The following PPP1CB variants were observed in gnomAD, a reference collection of about 807,000 sequenced individuals.
The protein encoded by PPP1CB is serine/threonine-protein phosphatase PP1-beta catalytic subunit.
A neutral mutation model predicts 43.7 loss-of-function variants in PPP1CB; 2 were observed. That is an observed-to-expected ratio of 0.05 (90% CI 0.02 to 0.14). The LOEUF is 0.14. PPP1CB is among the 10% of genes least tolerant of loss of function. The pLI is 1.00. For missense variants in PPP1CB, 84 were observed against 398.0 expected (o/e 0.21, Z 6.71); for synonymous variants, 136 against 135.6 (o/e 1.00, Z -0.02).
At chr2:28,766,034 G>A (rs1307865463) in intron 1 of PPP1CB, among the ~76,000 whole-genome samples, 2 of 152,110 alleles carry the variant, frequency 1.3e-5, no homozygotes, top group Non-Finnish European at 2.9e-5. Context: ...GAATTTATTA[G>A]AAAACATTTA....
intron 1 of PPP1CB, among the ~76,000 whole-genome samples, chr2:28,764,697 G>A (rs1224238925): frequency 6.6e-6 from 1 of 151,898 alleles, no homozygotes; most frequent in East Asian, 1.9e-4. Flanking sequence ...AGGCCAAGGC[G>A]AGTGGATCAC....
At chr2:28,770,422 C>T (rs1442925197) in intron 1 of PPP1CB, among the ~76,000 whole-genome samples, 2 of 148,988 alleles carry the variant, frequency 1.3e-5, no homozygotes, top group African/African-American at 2.5e-5. Flanking sequence ...ATATCATGCA[C>T]ACATTAATCA....
chr2:28,777,114 A>G (rs767963947), intron 2 of PPP1CB, 132 bp downstream of exon 2: 301 of 939,302 alleles, frequency 3.2e-4, no homozygotes, highest in South Asian at 3.8e-4. Context: ...ATAAAAGTGT[A>G]TAAAAATTGA....
Position 28,752,058 on chromosome 2 carries a change from C to G in PPP1CB, c.-67C>G. The G allele has an allele frequency of 6.8e-7, 1 of 1,479,438 alleles. No individual in the cohort carries two copies. Among genetic ancestry groups the G allele is most frequent in the Non-Finnish European group, 9.2e-7 (1 of 1,082,374 alleles). 91.6% of individuals were successfully genotyped at this position (1,479,438 alleles called of 1,614,324 possible). A position where few individuals can be genotyped will look rare whatever the true frequency, so the allele number is the denominator to read the frequency against. ...TGTAGGTGAGAGAACGCCGAGCCGT[C>G]GCCGCAGCCTCCGCCGCCGAGAAGC... On this transcript the variant is annotated 5_prime_UTR_variant, in exon 1 of 8. Transcript: ENST00000395366.
chr2:28,783,758 A>AAC, intron 4 of PPP1CB, 149 bp from the exon 5 acceptor site: 1 of 198,148 alleles, frequency 5.0e-6, no homozygotes, highest in East Asian at 1.0e-4. Context: ...TTCTGTCTCG[A>AAC]AAAAAAAAAA....
Position 28,784,167 on chromosome 2 carries a change from G to A in PPP1CB, c.592+189G>A, listed in dbSNP as rs560268256. Among the ~76,000 whole-genome samples the A allele has an allele frequency of 6.6e-4, 100 of 152,248 alleles. No individual in the cohort carries two copies. The South Asian group carries it at 0.013, about 20-fold the overall frequency. ...TTCACTTTGCACTGATCCTCAAAAT[G>A]CGGAACCTTTTTATTTATAGTCATA... On this transcript the variant is annotated intron_variant, in intron 5 of 7. Transcript: ENST00000395366.
upstream of PPP1CB, chr2:28,751,698 G>T: frequency 4.6e-6 from 1 of 219,138 alleles, no homozygotes. Context: ...CGGCGGCCCA[G>T]GCGTCGAGGG....
At chr2:28,778,736 A>G (rs1481116381) in intron 2 of PPP1CB, 73 bp from the exon 3 acceptor site, 2 of 941,630 alleles carry the variant, frequency 2.1e-6, no homozygotes, top group Non-Finnish European at 3.3e-6. Flanking sequence ...GGATGTGAAC[A>G]TTGGGAATCA....
chr2:28,753,237 G>T (rs940317588), intron 1 of PPP1CB, among the ~76,000 whole-genome samples: 1 of 152,174 alleles, frequency 6.6e-6, no homozygotes, highest in Non-Finnish European at 1.5e-5. Flanking sequence ...GCCGTCCAGC[G>T]ATTGCATATG....
rs1000897908 is a variant in PPP1CB at position 28,801,235 on chromosome 2, G to A, written c.*1932G>A. On this transcript the variant is annotated 3_prime_UTR_variant, in exon 8 of 8. Coordinates refer to ENST00000395366, the MANE Select transcript of PPP1CB (RefSeq NM_002709.3). The stretch of plus-strand genomic sequence containing the variant: ...ATAACTTCCTGATTGGAGTGTGTAA[G>A]CTGAGCGATTTCTAATAAAATTTTA... The A allele has an allele frequency of 6.6e-6, 1 of 152,100 alleles. No individual in the cohort carries two copies. The highest frequency in any genetic ancestry group is 1.5e-5 in the Non-Finnish European group (1 of 67,956). The allele number at this position is 152,100 out of a possible 1,614,324, so 9.4% of individuals were successfully genotyped here.
At chr2:28,764,693 A>C (rs1270946468) in intron 1 of PPP1CB, among the ~76,000 whole-genome samples, 1 of 151,984 alleles carries the variant, frequency 6.6e-6, no homozygotes, top group Non-Finnish European at 1.5e-5. Flanking sequence ...TATGAGGCCA[A>C]GGCGAGTGGA....
intron 4 of PPP1CB, among the ~76,000 whole-genome samples, chr2:28,783,298 G>T (rs2148052847): frequency 6.6e-6 from 1 of 152,114 alleles, no homozygotes; most frequent in African/African-American, 2.4e-5. Context: ...TTTCTATGAA[G>T]GCCAGGGAAT....
intron 1 of PPP1CB, among the ~76,000 whole-genome samples, chr2:28,762,703 C>T (rs982238969): frequency 3.9e-5 from 6 of 152,152 alleles, no homozygotes; most frequent in African/African-American, 1.4e-4. Context: ...CTTTCTTGTA[C>T]TTTAAATGGA....
intron 7 of PPP1CB, among the ~76,000 whole-genome samples, chr2:28,794,971 T>C (rs1488385188): frequency 6.6e-6 from 1 of 151,700 alleles, no homozygotes; most frequent in Non-Finnish European, 1.5e-5. Flanking sequence ...GAGCATAGAG[T>C]TTTTCATTTC....
chr2:28,788,901 A>C (rs1290290412), intron 6 of PPP1CB, 92 bp downstream of exon 6: 3 of 1,300,224 alleles, frequency 2.3e-6, no homozygotes, highest in Admixed American at 2.8e-5. Context: ...TCTGTCACCC[A>C]GGCTGGAGTG....
intron 7 of PPP1CB, among the ~76,000 whole-genome samples, chr2:28,796,191 A>C (rs1055125378): frequency 6.4e-5 from 2 of 31,400 alleles, no homozygotes; most frequent in African/African-American, 1.3e-4. Flanking sequence ...TGGTTACTGT[A>C]AGCCTTATAA....
At chr2:28,786,356 C>T (rs571251687) in intron 5 of PPP1CB, among the ~76,000 whole-genome samples, 188 of 152,180 alleles carry the variant, frequency 1.2e-3, no homozygotes, top group African/African-American at 4.4e-3. Context: ...TCTGGTGATC[C>T]GCCCACCTCG....
intron 5 of PPP1CB, among the ~76,000 whole-genome samples, chr2:28,786,938 C>T (rs1667280185): frequency 6.6e-6 from 1 of 152,036 alleles, no homozygotes; most frequent in South Asian, 2.1e-4. Flanking sequence ...CTGACTATTC[C>T]AGTGGATTTT....
chr2:28,778,257 T>A, intron 2 of PPP1CB: 1 of 403,656 alleles, frequency 2.5e-6, no homozygotes, highest in Non-Finnish European at 5.2e-6. Context: ...ATAATAAAAT[T>A]GTTTTAGTTA....
Sources: gnomAD v4.1 joint callset for allele counts (sites outside exome capture counted in the v4.1 genomes callset) on GRCh38, gnomAD v4.1.1 for gene constraint, MANE v1.5 for transcripts, NCBI Gene and HGNC (gene_info 2026-07-23, HGNC 2026-07-21) for gene names.